Variants in LY75 observed in about 807,000 individuals in gnomAD.
LY75 encodes lymphocyte antigen 75.
LY75 carries 185 observed loss-of-function variants against 231.7 expected under a neutral mutation model. The observed-to-expected ratio is 0.80, with a 90% CI of 0.71 to 0.90. The LOEUF is 0.90. Ranked by LOEUF, LY75 falls within the 40% of genes least tolerant of loss-of-function variation. The pLI is 0.00. For missense variants in LY75, 1,947 were observed against 2,050.2 expected, an observed-to-expected ratio of 0.95 and a Z score of 0.97; for synonymous variants, 668 against 689.0, an observed-to-expected ratio of 0.97 and a Z score of 0.48.
intron 3 of LY75, 116 bp downstream of exon 3, chr2:159,893,789 ATACACTTCT>A: frequency 2.2e-6 from 3 of 1,353,958 alleles, no homozygotes; most frequent in Non-Finnish European, 3.0e-6. Flanking sequence ...TCCTCCAAAC[ATACACTTCT>A]TATCCGGGAT....
Position 159,835,502 on chromosome 2 carries a change from A to G in LY75, c.3651T>C (p.Gly1217=). 6.2e-7 allele frequency: 1 copy of G among 1,609,280 alleles called. No homozygotes were observed. Among genetic ancestry groups the G allele is most frequent in the South Asian group, 1.1e-5 (1 of 89,478 alleles). The change falls in exon 26 of 35, where the codon GGT becomes GGC. Residue 1217 remains glycine, a synonymous_variant. Transcript: ENST00000263636. The part of the protein sequence containing the change: ...KTVDCNDNQP[G]AICYYSGNET... ...TACTTCCTGAATAGTAGCAAATAGC[A>G]CCTGGTTGATTGTCATTGCAATCAA...
intron 21 of LY75, among the ~76,000 whole-genome samples, chr2:159,851,980 T>C (rs767442271): frequency 1.8e-4 from 27 of 152,274 alleles, no homozygotes; most frequent in Non-Finnish European, 2.9e-4. Context: ...AGCAACAAAA[T>C]AGAAATGCTG....
chr2:159,887,566 CAAAAAAA>C (rs369452762), intron 4 of LY75, among the ~76,000 whole-genome samples: 1,145 of 103,834 alleles, frequency 0.011, 21 homozygotes, highest in African/African-American at 0.041. Context: ...TCAACAACAA[CAAAAAAA>C]AAAAAAAAAA....
Position 159,810,655 on chromosome 2 carries a change from T to C in LY75, c.4570A>G (p.Thr1524Ala). The change falls in exon 32 of 35, where the codon ACA becomes GCA. Residue 1524 changes from threonine (T) to alanine (A), a missense_variant. Physicochemically the swap from Thr to Ala is moderately conservative, Grantham distance 58. Transcript: ENST00000263636. ...GCTGCTGGACATCTTGATGAATATG[T>C]AAGACGGGACAGCTTTTTAGCTATA... ...PTKSKKLSRLTYSSRCPAAKE... is the reference protein window; with the variant it reads ...PTKSKKLSRLAYSSRCPAAKE... 6.2e-7 allele frequency: 1 copy of C among 1,613,642 alleles called. No individual in the cohort carries two copies. The highest frequency in any genetic ancestry group is 8.5e-7 in the Non-Finnish European group (1 of 1,179,874).
chr2:159,806,852 G>A (rs1682808408), intron 34 of LY75, 121 bp downstream of exon 34: 4 of 1,196,194 alleles, frequency 3.3e-6, no homozygotes, highest in Admixed American at 5.9e-5. Context: ...CAAGATAGTT[G>A]GATATACTTT....
chr2:159,837,541 T>C (rs543450481), intron 25 of LY75, among the ~76,000 whole-genome samples: 1 of 152,146 alleles, frequency 6.6e-6, no homozygotes, highest in Non-Finnish European at 1.5e-5. Context: ...TTGGGTACTG[T>C]GTTCACTATT....
Position 159,892,923 on chromosome 2 carries a change from C to T in LY75, c.637+991G>A, listed in dbSNP as rs376155736. Among the ~76,000 whole-genome samples, 4 of 152,308 alleles carry T rather than the reference C, an allele frequency of 2.6e-5. No individual in the cohort carries two copies. In the East Asian group the frequency reaches 7.7e-4, roughly 29 times the overall value. On this transcript the variant is annotated intron_variant, in intron 3 of 34. Transcript: ENST00000263636. ...AGGAAGATCTATCTCTTCTCTTTCC[C>T]GCTCTTTGCTTCAGGCCATAAACAT...
rs149416484 is a variant in LY75, at chr2:159,826,761, A to G, written c.3958+4909T>C. ...ATGGTACTGGTACCAAAACAGAGAT[A>G]TAGACCAATGGAACAGAACAGAGGC... is the stretch of plus-strand genomic sequence containing the variant. On this transcript the variant is annotated intron_variant, in intron 28 of 34. Coordinates refer to ENST00000263636, the MANE Select transcript of LY75 (RefSeq NM_002349.4). Among the ~76,000 whole-genome samples the G allele has an allele frequency of 4.5e-3, 683 of 152,346 alleles. 9 individuals carry two copies. Among genetic ancestry groups the G allele is most frequent in the Middle Eastern group, 0.014 (4 of 294 alleles).
chr2:159,817,008 G>C lies in LY75; in HGVS notation c.4178C>G (p.Thr1393Ser), dbSNP rs35941588. ...ATATGGCATAAACTGTGGCAGTGTA[G>C]TATTATATTCTTCTTTGTAGTCAAC... ...EMVDYKEEYN[T>S]TLPQFMPYED... The change falls in exon 30 of 35, where the codon ACT (threonine) becomes AGT (serine). Residue 1393 changes from threonine to serine, a missense_variant. Transcript: ENST00000263636. 1 of 1,612,876 alleles carries C rather than the reference G, an allele frequency of 6.2e-7. No homozygotes were observed. Among genetic ancestry groups the C allele is most frequent in the South Asian group, 1.1e-5 (1 of 90,768 alleles).
intron 23 of LY75, among the ~76,000 whole-genome samples, chr2:159,846,418 T>A (rs988855526): frequency 4.6e-5 from 7 of 152,038 alleles, no homozygotes; most frequent in African/African-American, 1.7e-4. Flanking sequence ...TCCTAGCTAC[T>A]TGGAAGGCTC....
chr2:159,879,611 G>A (rs755863163), intron 8 of LY75, among the ~76,000 whole-genome samples: 1 of 152,154 alleles, frequency 6.6e-6, no homozygotes, highest in Non-Finnish European at 1.5e-5. Context: ...TCTTATAAGA[G>A]TAGCAATAAA....
intron 13 of LY75, among the ~76,000 whole-genome samples, chr2:159,870,692 AATAGAG>A (rs1232923864): frequency 1.4e-5 from 2 of 146,518 alleles, no homozygotes; most frequent in Non-Finnish European, 3.0e-5. Context: ...TTTTTTTTTA[AATAGAG>A]ATAGGGTCTC....
intron 34 of LY75, 56 bp from the exon 35 acceptor site, chr2:159,805,278 G>C: frequency 7.5e-7 from 1 of 1,330,270 alleles, no homozygotes; most frequent in Admixed American, 1.7e-5. Flanking sequence ...GATCATTATT[G>C]ATTTTATACA....
At chr2:159,850,790 ATATATATATT>A (rs1192138334) in intron 21 of LY75, among the ~76,000 whole-genome samples, 8 of 98,096 alleles carry the variant, frequency 8.2e-5, no homozygotes, top group African/African-American at 2.5e-4. Context: ...ATATATATAT[ATATATATATT>A]ATATCTTATA....
chr2:159,889,369 C>T (rs1006714046), intron 4 of LY75, among the ~76,000 whole-genome samples: 3 of 152,144 alleles, frequency 2.0e-5, no homozygotes, highest in Admixed American at 2.0e-4. Context: ...GCTGGGACTA[C>T]AGGCACATGC....
Position 159,885,284 on chromosome 2 carries a change from C to G in LY75, c.923G>C (p.Ser308Thr). The stretch of plus-strand genomic sequence containing the variant: ...GCTGGAGCCACCTATAGTAGGTGCA[C>G]TGGGCCTGTCTTAAAAGGGAACATT... ...NFLNWDPDRPSAPTIGGSSCA... is the reference protein window; with the variant it reads ...NFLNWDPDRPTAPTIGGSSCA... The change falls in exon 6 of 35, where the codon AGT becomes ACT. Residue 308 changes from serine (S) to threonine (T), a missense_variant. Coordinates refer to ENST00000263636, the MANE Select transcript of LY75 (RefSeq NM_002349.4). 6.2e-7 allele frequency: 1 copy of G among 1,612,894 alleles called. No individual in the cohort carries two copies. Among genetic ancestry groups the G allele is most frequent in the Non-Finnish European group, 8.5e-7 (1 of 1,179,342 alleles).
intron 23 of LY75, 33 bp downstream of exon 23, chr2:159,849,947 G>C (rs764569670): frequency 6.2e-7 from 1 of 1,602,206 alleles, no homozygotes; most frequent in South Asian, 1.1e-5. Flanking sequence ...TTTCACAGAG[G>C]TATGAAGAGT....
chr2:159,808,812 A>AT (rs1364452252), intron 32 of LY75, among the ~76,000 whole-genome samples: 3 of 152,218 alleles, frequency 2.0e-5, no homozygotes, highest in East Asian at 1.9e-4. Context: ...ATCTGGCAAT[A>AT]TTTTTTTGGC....
chr2:159,864,991 T>A (rs2125863177), intron 13 of LY75, 71 bp from the exon 14 acceptor site: 1 of 1,356,896 alleles, frequency 7.4e-7, no homozygotes. Flanking sequence ...ACATGTCTAA[T>A]GTGCATCACT....
Sources: allele counts gnomAD v4.1 joint callset (sites outside exome capture counted in the v4.1 genomes callset), GRCh38; gene constraint gnomAD v4.1.1; transcripts MANE v1.5; gene names NCBI Gene and HGNC (gene_info 2026-07-23, HGNC 2026-07-21).